Variants in CTCF observed in about 807,000 individuals in gnomAD.
CTCF encodes CCCTC-binding factor.
A neutral mutation model predicts 72.3 loss-of-function variants in CTCF; 7 were observed. The ratio of observed to expected loss-of-function variants is 0.10; its 90% CI spans 0.06 to 0.18. The LOEUF (loss-of-function observed/expected upper bound fraction) is 0.18. Ranked by LOEUF, CTCF falls within the 10% of genes least tolerant of loss-of-function variation. The probability of loss-of-function intolerance (pLI) is 1.00; values close to 1 mark genes in which losing one functional copy is unlikely to be tolerated. For missense variants in CTCF, 516 were observed against 949.1 expected (o/e 0.54, Z 6.00); for synonymous variants, 374 against 315.8 (o/e 1.18, Z -1.95).
chr16:67,611,694 A>G (rs1363475172), intron 3 of CTCF, 81 bp downstream of exon 3: 5 of 1,335,452 alleles, frequency 3.7e-6, no homozygotes, highest in Non-Finnish European at 5.2e-6. Context: ...AAGTTGTTTT[A>G]TATTAACCGT....
rs34853932 is a variant in CTCF, at chr16:67,621,748, C to CTTTTTTTTTTTT, written c.1357+165_1357+176dup. 1.4e-4 allele frequency among the ~76,000 whole-genome samples: 17 copies of CTTTTTTTTTTTT among 121,346 alleles called. 1 individual carries two copies. Among genetic ancestry groups the CTTTTTTTTTTTT allele is most frequent in the African/African-American group, 5.6e-4 (17 of 30,290 alleles). The allele number at this position is 121,346 out of a possible 152,430, so 79.6% of individuals were successfully genotyped here. ...TTTAGTAAAAGCCATTGCTTAGCTG[C>CTTTTTTTTTTTT]TTTTTTTTTTTTTTTTTTTCTATTT... On this transcript the variant is annotated intron_variant, in intron 7 of 11. Transcript: ENST00000264010.
rs143433945 is a variant in CTCF at position 67,591,551 on chromosome 16, G to T, written c.-9-19273G>T. On this transcript the variant is annotated intron_variant, in intron 2 of 11. Transcript: ENST00000264010. ...TTAAGCTCTCAGATAAGATGATGGC[G>T]TATATGTTTTCAGGAATAGCAGAGT... 7.2e-3 allele frequency among the ~76,000 whole-genome samples: 1,097 copies of T among 152,228 alleles called. 18 individuals carry two copies. The highest frequency in any genetic ancestry group is 0.025 in the African/African-American group (1,053 of 41,544).
rs1168327922 is a variant in CTCF, at chr16:67,604,743, TTGTTTTTTG to T, written c.-9-6079_-9-6071del. ...AATTTCACCAGGGTTTTTTTTTTTTTTGTTTTTTGTTTTTTTTTTTTACTTTTTAATATG... is the reference window on the plus strand; with the variant it reads ...AATTTCACCAGGGTTTTTTTTTTTTTTTTTTTTTTTTTACTTTTTAATATG... On this transcript the variant is annotated intron_variant, in intron 2 of 11. Transcript: ENST00000264010. 3.1e-3 allele frequency among the ~76,000 whole-genome samples: 374 copies of T among 121,230 alleles called. 8 individuals are homozygous for T. The highest frequency in any genetic ancestry group is 0.014 in the African/African-American group (328 of 24,284). The allele number at this position is 121,230 out of a possible 152,430, so 79.5% of individuals were successfully genotyped here. A position where few individuals can be genotyped will look rare whatever the true frequency, so the allele number is the denominator to read the frequency against.
intron 2 of CTCF, among the ~76,000 whole-genome samples, chr16:67,589,808 T>C (rs1462765504): frequency 6.6e-6 from 1 of 152,124 alleles, no homozygotes; most frequent in Non-Finnish European, 1.5e-5. Flanking sequence ...AAAAAGAGCC[T>C]GGACGCGGTG....
At chr16:67,608,902 TG>T (rs946746691) in intron 2 of CTCF, among the ~76,000 whole-genome samples, 1 of 152,008 alleles carries the variant, frequency 6.6e-6, no homozygotes, top group Non-Finnish European at 1.5e-5. Context: ...CCATCACACC[TG>T]GCTAATTTTG....
Position 67,581,016 on chromosome 16 carries a change from C to T in CTCF, c.-10+9752C>T, listed in dbSNP as rs545100290. ...CTATCTTGGCTCACTGCAAGCTCCA[C>T]CTCCCGGGTTCACGCCATTCTCCTG... On this transcript the variant is annotated intron_variant, in intron 2 of 11. Transcript: ENST00000264010. Among the ~76,000 whole-genome samples, 3 of 152,244 alleles carry T rather than the reference C, an allele frequency of 2.0e-5. No homozygotes were observed. In the South Asian group the frequency reaches 6.2e-4, roughly 32 times the overall value.
Position 67,637,822 on chromosome 16 carries a change from C to G in CTCF, c.2134C>G (p.Pro712Ala). The change falls in exon 12 of 12, where the codon CCC (proline) becomes GCC (alanine). Residue 712 changes from proline (P) to alanine (A), a missense_variant. Pro to Ala is a conservative substitution (Grantham distance 27). This residue lies in a region of CTCF where 157 missense variants were observed against 172.9 expected (regional missense o/e 0.91). Transcript: ENST00000264010. ...GGCCCAGCCAGCTGCCACAGATGCC[C>G]CCAACGGAGACCTCACGCCCGAGAT... ...EEAQPAATDAPNGDLTPEMIL... is the reference protein window; with the variant it reads ...EEAQPAATDAANGDLTPEMIL... 6.2e-7 allele frequency: 1 copy of G among 1,612,678 alleles called. No homozygotes were observed. The highest frequency in any genetic ancestry group is 8.5e-7 in the Non-Finnish European group (1 of 1,180,020).
chr16:67,629,745 CCTT>C (rs2052338105), intron 10 of CTCF, among the ~76,000 whole-genome samples: 3 of 85,064 alleles, frequency 3.5e-5, no homozygotes, highest in East Asian at 3.6e-4. Flanking sequence ...TCATTAATGC[CCTT>C]TTTTTTTTTT....
intron 1 of CTCF, among the ~76,000 whole-genome samples, chr16:67,564,437 T>C (rs2051317326): frequency 6.6e-6 from 1 of 152,250 alleles, no homozygotes; most frequent in Non-Finnish European, 1.5e-5. Flanking sequence ...AGCTCCTCAC[T>C]GCAGTCCTCT....
intron 2 of CTCF, among the ~76,000 whole-genome samples, chr16:67,576,669 T>C (rs1397266704): frequency 6.7e-6 from 1 of 148,388 alleles, no homozygotes; most frequent in Non-Finnish European, 1.5e-5. Flanking sequence ...TTCTCTTGCC[T>C]CAGCCTCCTG....
chr16:67,581,716 T>C (rs959701407), intron 2 of CTCF, among the ~76,000 whole-genome samples: 2 of 151,964 alleles, frequency 1.3e-5, no homozygotes, highest in African/African-American at 4.8e-5. Context: ...TTGGCCAGGC[T>C]GGTCTAGAAC....
At chr16:67,566,462 A>G (rs1241206116) in intron 1 of CTCF, among the ~76,000 whole-genome samples, 1 of 141,242 alleles carries the variant, frequency 7.1e-6, no homozygotes, top group Non-Finnish European at 1.5e-5. Context: ...GTGAGTCAAG[A>G]TCGTGCCGTT....
intron 4 of CTCF, among the ~76,000 whole-genome samples, chr16:67,612,971 G>A: frequency 6.6e-6 from 1 of 152,196 alleles, no homozygotes; most frequent in South Asian, 2.1e-4. Flanking sequence ...GTTTCTGGTT[G>A]TTTCACGTCA....
intron 7 of CTCF, among the ~76,000 whole-genome samples, chr16:67,625,889 C>T (rs552226456): frequency 1.4e-5 from 2 of 140,284 alleles, no homozygotes; most frequent in Admixed American, 1.6e-4. Context: ...AATAAATGAC[C>T]CCAACAGCTA....
rs71145978 is a variant in CTCF, at chr16:67,629,746, CTTTTTTTTTTTTTTTTTTTTTTTTTTTT to C, written c.1837+232_1837+259del. On this transcript the variant is annotated intron_variant, in intron 10 of 11. Coordinates refer to ENST00000264010, the MANE Select transcript of CTCF (RefSeq NM_006565.4). ...TCGTGGCATTCCGCTCATTAATGCCCTTTTTTTTTTTTTTTTTTTTTTTTTTTTTTTTTTTTTTTTTTTTTTGAGACGG... is the reference window on the plus strand; with the variant it reads ...TCGTGGCATTCCGCTCATTAATGCCCTTTTTTTTTTTTTTTTTTGAGACGG... Among the ~76,000 whole-genome samples, 227 of 63,354 alleles carry C rather than the reference CTTTTTTTTTTTTTTTTTTTTTTTTTTTT, an allele frequency of 3.6e-3. 2 individuals carry two copies. The highest frequency in any genetic ancestry group is 5.3e-3 in the Non-Finnish European group (181 of 34,112). The allele number at this position is 63,354 out of a possible 152,430, so 41.6% of individuals were successfully genotyped here.
chr16:67,622,217 A>G (rs2052209381), intron 7 of CTCF, among the ~76,000 whole-genome samples: 1 of 151,956 alleles, frequency 6.6e-6, no homozygotes, highest in South Asian at 2.1e-4. Context: ...TTAACTGGGC[A>G]TGGTGGTGGG....
chr16:67,613,406 GACTT>G (rs1296902049), intron 4 of CTCF, among the ~76,000 whole-genome samples: 3 of 152,174 alleles, frequency 2.0e-5, no homozygotes, highest in Non-Finnish European at 4.4e-5. Context: ...TCACTAATGT[GACTT>G]ACTTTTAAAC....
At chr16:67,628,857 G>A (rs951493277) in intron 9 of CTCF, among the ~76,000 whole-genome samples, 2 of 152,130 alleles carry the variant, frequency 1.3e-5, no homozygotes, top group Non-Finnish European at 2.9e-5. Flanking sequence ...TCAGGAGATC[G>A]AGACCATCCT....
intron 7 of CTCF, among the ~76,000 whole-genome samples, chr16:67,624,113 G>GTA (rs1224496171): frequency 3.0e-5 from 4 of 132,600 alleles, no homozygotes; most frequent in African/African-American, 9.4e-5. Flanking sequence ...GTGTGTGTGT[G>GTA]TGTATGTGTG....
Sources: allele counts gnomAD v4.1 joint callset (sites outside exome capture counted in the v4.1 genomes callset), GRCh38; gene constraint gnomAD v4.1.1; regional missense constraint gnomAD v4.1.1; transcripts MANE v1.5; gene names NCBI Gene and HGNC (gene_info 2026-07-23, HGNC 2026-07-21).